Variants in OR2L13 observed in about 807,000 individuals in gnomAD.
The protein encoded by OR2L13 is olfactory receptor family 2 subfamily L member 13.
A neutral mutation model predicts 15.3 loss-of-function variants in OR2L13; 14 were observed. The observed-to-expected ratio is 0.91, with a 90% CI of 0.60 to 1.43. The LOEUF is 1.43. Ranked by LOEUF, OR2L13 falls within the 40% of genes most tolerant of loss-of-function variation. The pLI is 0.00. For synonymous variants in OR2L13, 152 were observed against 142.9 expected (o/e 1.06, Z -0.45); for missense variants, 367 against 387.9 (o/e 0.95, Z 0.45).
the OR2L13 span, chr1:248,030,320 A>C: frequency 6.6e-6 from 1 of 152,194 alleles, no homozygotes; most frequent in South Asian, 2.1e-4. Context: ...ACTTTGTTTC[A>C]GAAATAGAAT....
At chr1:248,054,570 T>A in the OR2L13 span, among the ~76,000 whole-genome samples, 2 of 152,208 alleles carry the variant, frequency 1.3e-5, no homozygotes, top group East Asian at 3.8e-4. Flanking sequence ...TTCCTATCCA[T>A]GAGTATGGAA....
chr1:247,980,690 G>A, the OR2L13 span, among the ~76,000 whole-genome samples: 8 of 152,180 alleles, frequency 5.3e-5, no homozygotes, highest in South Asian at 4.1e-4. Context: ...GACATTCCCC[G>A]GTGAATCCTA....
At chr1:248,041,408 A>G in the OR2L13 span, 2 of 152,338 alleles carry the variant, frequency 1.3e-5, no homozygotes, top group Middle Eastern at 3.4e-3. Context: ...TAAAAACCCT[A>G]GAAGAAAACC....
the OR2L13 span, among the ~76,000 whole-genome samples, chr1:248,077,411 G>T: frequency 6.6e-6 from 1 of 152,188 alleles, no homozygotes. Context: ...AGTTTCAGAA[G>T]GAATGGTACC....
chr1:247,969,649 G>T, the OR2L13 span, among the ~76,000 whole-genome samples: 1 of 152,152 alleles, frequency 6.6e-6, no homozygotes, highest in Non-Finnish European at 1.5e-5. Context: ...TTTCTGCCAG[G>T]ATTAAATATC....
the OR2L13 span, among the ~76,000 whole-genome samples, chr1:248,085,784 T>G: frequency 1.3e-5 from 2 of 152,186 alleles, no homozygotes; most frequent in Admixed American, 1.3e-4. Context: ...GGGATGCTTT[T>G]GGGATGATAC....
the OR2L13 span, among the ~76,000 whole-genome samples, chr1:248,016,998 A>C: frequency 6.6e-6 from 1 of 152,150 alleles, no homozygotes; most frequent in Admixed American, 6.5e-5. Flanking sequence ...ATAGTCAATA[A>C]AAGTTCATAA....
chr1:248,029,332 A>C, the OR2L13 span: 3 of 152,322 alleles, frequency 2.0e-5, no homozygotes, highest in African/African-American at 7.2e-5. Flanking sequence ...TTTAAAACTC[A>C]ACAAAATTAA....
At chr1:247,965,379 G>T in the OR2L13 span, 2 of 1,608,390 alleles carry the variant, frequency 1.2e-6, no homozygotes, top group East Asian at 4.5e-5. Flanking sequence ...TTTCAGCCAT[G>T]AAAACAGGAA....
At chr1:248,070,576 A>T in the OR2L13 span, among the ~76,000 whole-genome samples, 1 of 152,224 alleles carries the variant, frequency 6.6e-6, no homozygotes, top group African/African-American at 2.4e-5. Context: ...CTAGAGAAGC[A>T]AGAGCAAACA....
At chr1:248,037,065 G>A in the OR2L13 span, among the ~76,000 whole-genome samples, 1 of 152,228 alleles carries the variant, frequency 6.6e-6, no homozygotes, top group Admixed American at 6.5e-5. Context: ...ATTAACTTGA[G>A]AATTCAGAAA....
chr1:248,015,497 G>A, the OR2L13 span, among the ~76,000 whole-genome samples: 419 of 152,272 alleles, frequency 2.8e-3, 1 homozygote, highest in African/African-American at 9.4e-3. Context: ...GACTTACGAA[G>A]TCAATGACTT....
At chr1:247,960,562 C>G in the OR2L13 span, among the ~76,000 whole-genome samples, 1 of 152,176 alleles carries the variant, frequency 6.6e-6, no homozygotes, top group Non-Finnish European at 1.5e-5. Context: ...GGCAGGCAGG[C>G]CTCCTTGAGC....
At chr1:248,013,459 T>G in the OR2L13 span, among the ~76,000 whole-genome samples, 1 of 152,142 alleles carries the variant, frequency 6.6e-6, no homozygotes, top group Non-Finnish European at 1.5e-5. Flanking sequence ...TGACTCAGCC[T>G]AGAATGTCCA....
At chr1:248,086,046 T>G in the OR2L13 span, among the ~76,000 whole-genome samples, 2 of 152,246 alleles carry the variant, frequency 1.3e-5, no homozygotes, top group African/African-American at 2.4e-5. Context: ...TACATGAGTT[T>G]TGCATATCAG....
chr1:248,028,954 C>T, the OR2L13 span, among the ~76,000 whole-genome samples: 4 of 152,176 alleles, frequency 2.6e-5, no homozygotes, highest in African/African-American at 9.7e-5. Flanking sequence ...TATTATGTAA[C>T]AGCCAAGGTT....
At chr1:247,975,290 A>G in the OR2L13 span, 11 of 455,104 alleles carry the variant, frequency 2.4e-5, no homozygotes, top group Admixed American at 2.5e-4. Flanking sequence ...GCCTTCGTGG[A>G]CACCTGGGTC....
chr1:247,945,646 G>A, the OR2L13 span, among the ~76,000 whole-genome samples: 1 of 152,080 alleles, frequency 6.6e-6, no homozygotes, highest in African/African-American at 2.4e-5. Context: ...CTTTGTATGT[G>A]TCTAGGAACT....
the OR2L13 span, among the ~76,000 whole-genome samples, chr1:247,959,211 T>C: frequency 3.0e-3 from 449 of 152,144 alleles, 3 homozygotes; most frequent in African/African-American, 1.0e-2. Flanking sequence ...AAGCTTAGTT[T>C]GGCTGGATAT....
Sources: allele counts gnomAD v4.1 joint callset (sites outside exome capture counted in the v4.1 genomes callset), GRCh38; gene constraint gnomAD v4.1.1; transcripts MANE v1.5; gene names NCBI Gene and HGNC (gene_info 2026-07-23, HGNC 2026-07-21).